The following NEDD4 variants were observed in gnomAD, a reference collection of about 807,000 sequenced individuals.
NEDD4 encodes the protein E3 ubiquitin-protein ligase NEDD4.
Under a neutral mutation model 144.9 loss-of-function variants are expected in NEDD4, and 99 were observed. That is an observed-to-expected ratio of 0.68 (90% CI 0.58 to 0.81). The LOEUF (loss-of-function observed/expected upper bound fraction) is 0.81, where lower values mean the gene tolerates loss of function less well. Among genes scored for constraint, NEDD4 ranks in the 30% least tolerant of loss-of-function variants. The pLI is 0.00. For missense variants in NEDD4, 985 were observed against 1,065.9 expected, an observed-to-expected ratio of 0.92 and a Z score of 1.06; for synonymous variants, 318 against 350.6, an observed-to-expected ratio of 0.91 and a Z score of 1.04.
At chr15:55,851,755 G>A (rs1235883663) in intron 13 of NEDD4, among the ~76,000 whole-genome samples, 1 of 151,968 alleles carries the variant, frequency 6.6e-6, no homozygotes, top group Non-Finnish European at 1.5e-5. Flanking sequence ...GGGATTATAG[G>A]CATGAGCCAC....
intron 4 of NEDD4, among the ~76,000 whole-genome samples, chr15:55,930,440 G>A (rs1237665037): frequency 6.6e-6 from 1 of 152,146 alleles, no homozygotes; most frequent in Non-Finnish European, 1.5e-5. Flanking sequence ...TGGTTCACAT[G>A]AGGAATTCTG....
At chr15:55,863,664 G>A (rs145684286) in intron 8 of NEDD4, among the ~76,000 whole-genome samples, 1 of 152,280 alleles carries the variant, frequency 6.6e-6, no homozygotes, top group African/African-American at 2.4e-5. Context: ...CTGAGAAATT[G>A]AGAAGTATAG....
chr15:55,838,695 TA>T, intron 21 of NEDD4, 91 bp from the exon 22 acceptor site: 1 of 790,588 alleles, frequency 1.3e-6, no homozygotes. Flanking sequence ...AATAATTGGG[TA>T]AAAGATGAGA....
intron 4 of NEDD4, among the ~76,000 whole-genome samples, chr15:55,926,943 G>T (rs2036679206): frequency 6.6e-6 from 1 of 151,940 alleles, no homozygotes; most frequent in Admixed American, 6.6e-5. Context: ...GGGTGTGGCG[G>T]CAGGCACCTG....
At chr15:55,852,212 C>T (rs57195161) in intron 13 of NEDD4, among the ~76,000 whole-genome samples, 20,825 of 151,592 alleles carry the variant, frequency 0.14, 1,592 homozygotes, top group East Asian at 0.36. Flanking sequence ...AGGAGAATCG[C>T]TTGAACCCAG....
intron 1 of NEDD4, among the ~76,000 whole-genome samples, chr15:55,970,760 A>C (rs1275984495): frequency 6.6e-6 from 1 of 152,250 alleles, no homozygotes; most frequent in East Asian, 1.9e-4. Flanking sequence ...ATATGGCTTC[A>C]GTGACCAAAG....
Position 55,860,508 on chromosome 15 carries a change from G to C in NEDD4, c.859C>G (p.Pro287Ala). ...GTTGGAACATCCAAGTTACTTGACG[G>C]TGGAGGTGATGGGAAGGCCTGGTTG... Reference protein sequence around the residue: ...YSNQAFPSPPPSSNLDVPTHL... With the variant: ...YSNQAFPSPPASSNLDVPTHL... The change falls in exon 11 of 29, where the codon CCG becomes GCG. Residue 287 changes from proline to alanine, a missense_variant. Pro to Ala is a conservative substitution (Grantham distance 27). Coordinates refer to ENST00000435532, the MANE Select transcript of NEDD4 (RefSeq NM_006154.4). 6.2e-7 allele frequency: 1 copy of C among 1,614,122 alleles called. No individual in the cohort carries two copies. Among genetic ancestry groups the C allele is most frequent in the Non-Finnish European group, 8.5e-7 (1 of 1,179,998 alleles).
chr15:55,879,600 C>T (rs886467810), intron 5 of NEDD4, among the ~76,000 whole-genome samples: 10 of 152,120 alleles, frequency 6.6e-5, no homozygotes, highest in East Asian at 1.9e-4. Flanking sequence ...AAATGAAAGA[C>T]GGGAGTCTGA....
chr15:55,843,523 T>G (rs1317371006), intron 18 of NEDD4, among the ~76,000 whole-genome samples: 2 of 152,158 alleles, frequency 1.3e-5, no homozygotes, highest in Admixed American at 1.3e-4. Context: ...ATCTAAATAT[T>G]TTATTCCTCA....
chr15:55,969,160 T>G (rs766435242), intron 1 of NEDD4, among the ~76,000 whole-genome samples: 12 of 152,140 alleles, frequency 7.9e-5, no homozygotes, highest in Non-Finnish European at 1.6e-4. Flanking sequence ...GGACTTTGCA[T>G]TGGAACTCAG....
chr15:55,968,479 GAC>G (rs555415484), intron 1 of NEDD4, among the ~76,000 whole-genome samples: 1,111 of 152,044 alleles, frequency 7.3e-3, no homozygotes, highest in African/African-American at 0.026. Context: ...TCTTCCTGTA[GAC>G]ATATCTAAAA....
At chr15:55,925,304 C>T (rs892665924) in intron 4 of NEDD4, among the ~76,000 whole-genome samples, 1 of 152,076 alleles carries the variant, frequency 6.6e-6, no homozygotes, top group African/African-American at 2.4e-5. Context: ...TTTGCAAACG[C>T]TTATAAATAC....
At chr15:55,938,613 A>T (rs7163864) in intron 4 of NEDD4, among the ~76,000 whole-genome samples, 2 of 151,914 alleles carry the variant, frequency 1.3e-5, no homozygotes, top group South Asian at 4.1e-4. Context: ...TGACAAGTGC[A>T]GCTACATTTA....
At chr15:55,860,843 C>G (rs1217887372) in intron 9 of NEDD4, 65 bp from the exon 10 acceptor site, 5 of 1,410,350 alleles carry the variant, frequency 3.5e-6, no homozygotes, top group Non-Finnish European at 3.9e-6. Flanking sequence ...GTCAAAGATT[C>G]TGTGATCATT....
chr15:55,968,214 A>C (rs1327995747), intron 1 of NEDD4, among the ~76,000 whole-genome samples: 4 of 152,202 alleles, frequency 2.6e-5, no homozygotes, highest in African/African-American at 9.6e-5. Context: ...TGAGTAAAGA[A>C]GTAAACAATA....
intron 4 of NEDD4, among the ~76,000 whole-genome samples, chr15:55,933,450 G>T (rs1377613285): frequency 6.7e-6 from 1 of 148,252 alleles, no homozygotes; most frequent in Non-Finnish European, 1.5e-5. Context: ...AACACCGCAT[G>T]TTCTCACTCA....
chr15:55,829,581 A>C lies in NEDD4; in HGVS notation c.*316T>G, dbSNP rs2032846283. Reference sequence around the variant, plus strand: ...ACTATACAAGAGGTAAATGTTAAGGACAAAATTCACTATTTAAGTCATACA... The same window carrying C: ...ACTATACAAGAGGTAAATGTTAAGGCCAAAATTCACTATTTAAGTCATACA... On this transcript the variant is annotated 3_prime_UTR_variant, in exon 29 of 29. Coordinates refer to ENST00000435532, the MANE Select transcript of NEDD4 (RefSeq NM_006154.4). 1.0e-5 allele frequency: 2 copies of C among 193,816 alleles called. No individual in the cohort carries two copies. The highest frequency in any genetic ancestry group is 4.7e-5 in the African/African-American group (2 of 42,694). 12.0% of individuals were successfully genotyped at this position (193,816 alleles called of 1,614,324 possible).
At chr15:55,858,717 C>T (rs972915693) in intron 11 of NEDD4, among the ~76,000 whole-genome samples, 1 of 152,134 alleles carries the variant, frequency 6.6e-6, no homozygotes. Context: ...GGCAGGCAGG[C>T]GGATTTACTG....
chr15:55,870,663 A>C (rs1342627015), intron 7 of NEDD4, among the ~76,000 whole-genome samples: 3 of 151,404 alleles, frequency 2.0e-5, no homozygotes, highest in Non-Finnish European at 4.4e-5. Flanking sequence ...CCTCCTAAAT[A>C]ACTGGGACTA....
Sources: gnomAD v4.1 joint callset for allele counts (sites outside exome capture counted in the v4.1 genomes callset) on GRCh38, gnomAD v4.1.1 for gene constraint, MANE v1.5 for transcripts, NCBI Gene and HGNC (gene_info 2026-07-23, HGNC 2026-07-21) for gene names.